The following SDK1 variants were observed in gnomAD, a reference collection of about 807,000 sequenced individuals.
SDK1 encodes the protein protein sidekick-1.
SDK1 carries 157 observed loss-of-function variants against 245.5 expected under a neutral mutation model. The ratio of observed to expected loss-of-function variants is 0.64; its 90% CI spans 0.56 to 0.73. The LOEUF (loss-of-function observed/expected upper bound fraction) is 0.73. Ranked by LOEUF, SDK1 falls within the 30% of genes least tolerant of loss-of-function variation. The probability of loss-of-function intolerance (pLI) is 0.00; values close to 1 mark genes in which losing one functional copy is unlikely to be tolerated. For missense variants in SDK1, 3,583 were observed against 3,002.3 expected, an observed-to-expected ratio of 1.19 and a Z score of -4.52; for synonymous variants, 1,647 against 1,278.5, an observed-to-expected ratio of 1.29 and a Z score of -6.15.
At chr7:3,368,213 T>C (rs377066832) in intron 1 of SDK1, among the ~76,000 whole-genome samples, 22 of 152,336 alleles carry the variant, frequency 1.4e-4, no homozygotes, top group Admixed American at 2.6e-4. Flanking sequence ...GAGCCAGTTA[T>C]ATAAGTCATG....
At chr7:3,600,762 A>G (rs1457394994) in intron 1 of SDK1, among the ~76,000 whole-genome samples, 2 of 152,010 alleles carry the variant, frequency 1.3e-5, no homozygotes, top group Non-Finnish European at 1.5e-5. Context: ...GTTAGCCAGG[A>G]TGGTCTCGAT....
intron 1 of SDK1, among the ~76,000 whole-genome samples, chr7:3,315,587 A>T (rs373113681): frequency 1.2e-4 from 18 of 152,310 alleles, no homozygotes; most frequent in Admixed American, 5.2e-4. Context: ...AATATGATGC[A>T]GTGAGTATGA....
chr7:3,824,512 C>CGATTGTTT (rs1562471284), intron 5 of SDK1, among the ~76,000 whole-genome samples: 2 of 152,114 alleles, frequency 1.3e-5, no homozygotes, highest in Non-Finnish European at 2.9e-5. Flanking sequence ...CATGCAGCCC[C>CGATTGTTT]GCCTCTTGTT....
intron 5 of SDK1, among the ~76,000 whole-genome samples, chr7:3,888,872 T>C (rs920427472): frequency 6.6e-6 from 1 of 152,258 alleles, no homozygotes; most frequent in Non-Finnish European, 1.5e-5. Flanking sequence ...GTTATTTTAA[T>C]GTTTCATTTT....
chr7:3,577,536 A>G (rs373147508), intron 1 of SDK1, among the ~76,000 whole-genome samples: 1 of 151,932 alleles, frequency 6.6e-6, no homozygotes, highest in Non-Finnish European at 1.5e-5. Context: ...CTCCACCTCA[A>G]GGGTAACCTT....
intron 4 of SDK1, among the ~76,000 whole-genome samples, chr7:3,672,776 TATATATATATATATATATAA>T (rs1242810128): frequency 2.5e-4 from 24 of 94,320 alleles, no homozygotes; most frequent in African/African-American, 5.8e-4. Flanking sequence ...TATATATATA[TATATATATATATATATATAA>T]AAAATACAGA....
chr7:3,624,883 T>C (rs1782066151), intron 2 of SDK1, among the ~76,000 whole-genome samples: 1 of 151,944 alleles, frequency 6.6e-6, no homozygotes, highest in Non-Finnish European at 1.5e-5. Flanking sequence ...CCATCTCTAC[T>C]AAAAATACAA....
intron 1 of SDK1, among the ~76,000 whole-genome samples, chr7:3,529,003 T>A (rs1290631612): frequency 1.3e-5 from 2 of 151,792 alleles, no homozygotes; most frequent in African/African-American, 2.4e-5. Context: ...CTAGCATGAG[T>A]GGTAAGTTGT....
At chr7:3,690,279 A>T (rs982755885) in intron 4 of SDK1, among the ~76,000 whole-genome samples, 5 of 152,172 alleles carry the variant, frequency 3.3e-5, no homozygotes, top group Non-Finnish European at 1.5e-5. Flanking sequence ...ATGACAGGTT[A>T]TACTTCTGTC....
Position 4,051,736 on chromosome 7 carries a change from G to A in SDK1, c.2817G>A (p.Lys939=), listed in dbSNP as rs1416356860. The change falls in exon 19 of 45, where the codon AAG becomes AAA. Residue 939 remains lysine, a synonymous_variant. Transcript: ENST00000404826. ...ACCATGGACACATAACGAACCTGAAGAAGTTTACCGCCTACTTCACTTCCG... is the reference window on the plus strand; with the variant it reads ...ACCATGGACACATAACGAACCTGAAAAAGTTTACCGCCTACTTCACTTCCG... ...GVHHGHITNL[K]KFTAYFTSVL... The A allele has an allele frequency of 3.1e-6, 5 of 1,613,898 alleles. No individual in the cohort carries two copies. The highest frequency in any genetic ancestry group is 3.3e-5 in the Admixed American group (2 of 59,980).
At chr7:3,472,380 A>C (rs1200855707) in intron 1 of SDK1, among the ~76,000 whole-genome samples, 1 of 149,282 alleles carries the variant, frequency 6.7e-6, no homozygotes, top group Non-Finnish European at 1.5e-5. Context: ...GCTGTGAAGG[A>C]AATGGAAAAA....
At chr7:3,791,503 G>A (rs186708857) in intron 4 of SDK1, among the ~76,000 whole-genome samples, 4 of 152,094 alleles carry the variant, frequency 2.6e-5, no homozygotes, top group Admixed American at 2.0e-4. Context: ...AAAATAGCAC[G>A]ATGCTGCAGA....
chr7:3,473,277 G>C (rs1781240715), intron 1 of SDK1, among the ~76,000 whole-genome samples: 2 of 152,164 alleles, frequency 1.3e-5, no homozygotes, highest in Admixed American at 1.3e-4. Flanking sequence ...TAGAAGGCTG[G>C]TTCCACCCCA....
intron 5 of SDK1, among the ~76,000 whole-genome samples, chr7:3,822,872 TG>T (rs908434578): frequency 6.6e-6 from 1 of 152,012 alleles, no homozygotes; most frequent in Non-Finnish European, 1.5e-5. Context: ...TAGAATTGCC[TG>T]GGTGAATCTT....
chr7:4,128,897 G>A (rs1422568047), intron 26 of SDK1, among the ~76,000 whole-genome samples: 5 of 133,932 alleles, frequency 3.7e-5, no homozygotes, highest in Admixed American at 7.4e-5. Context: ...AGAGCAGCTT[G>A]GGGTGGGGTC....
intron 1 of SDK1, among the ~76,000 whole-genome samples, chr7:3,513,723 T>TGA (rs1782650618): frequency 6.6e-6 from 1 of 152,182 alleles, no homozygotes. Flanking sequence ...AGGGTACAGA[T>TGA]GAGCCCATCA....
At chr7:4,157,954 G>A (rs1044092530) in intron 30 of SDK1, among the ~76,000 whole-genome samples, 1 of 152,150 alleles carries the variant, frequency 6.6e-6, no homozygotes. Context: ...CGGAGCGTGA[G>A]AATCAGGCAG....
At chr7:3,333,748 ACT>A (rs1358403025) in intron 1 of SDK1, among the ~76,000 whole-genome samples, 9 of 152,074 alleles carry the variant, frequency 5.9e-5, no homozygotes, top group African/African-American at 2.2e-4. Flanking sequence ...TCGAGGACAG[ACT>A]CTAATTCTTC....
intron 5 of SDK1, among the ~76,000 whole-genome samples, chr7:3,900,094 C>G (rs1781732879): frequency 6.6e-6 from 1 of 152,182 alleles, no homozygotes; most frequent in African/African-American, 2.4e-5. Flanking sequence ...TACAAAAAAA[C>G]CTAACCCTCC....
Sources: gnomAD v4.1 joint callset for allele counts (sites outside exome capture counted in the v4.1 genomes callset) on GRCh38, gnomAD v4.1.1 for gene constraint, MANE v1.5 for transcripts, NCBI Gene and HGNC (gene_info 2026-07-23, HGNC 2026-07-21) for gene names.